PTPRN2: variants seen among roughly 807,000 people sequenced by gnomAD.
PTPRN2 encodes protein tyrosine phosphatase receptor type N2, also known as receptor-type tyrosine-protein phosphatase N2.
Under a neutral mutation model 118.8 loss-of-function variants are expected in PTPRN2, and 74 were observed. That is an observed-to-expected ratio of 0.62 (90% CI 0.52 to 0.76). PTPRN2 has a LOEUF of 0.76. Ranked by LOEUF, PTPRN2 falls within the 30% of genes least tolerant of loss-of-function variation. PTPRN2 has a pLI of 0.00. For synonymous variants in PTPRN2, 641 were observed against 608.0 expected, an observed-to-expected ratio of 1.05 and a Z score of -0.80; for missense variants, 1,481 against 1,394.4, an observed-to-expected ratio of 1.06 and a Z score of -0.99.
intron 2 of PTPRN2, among the ~76,000 whole-genome samples, chr7:158,342,763 C>T (rs1007941839): frequency 6.6e-5 from 10 of 152,220 alleles, no homozygotes; most frequent in Admixed American, 2.6e-4. Context: ...GAATGGGCAG[C>T]GGCAGGAAAG....
intron 6 of PTPRN2, among the ~76,000 whole-genome samples, chr7:158,160,943 A>G (rs1406580051): frequency 1.3e-5 from 2 of 152,240 alleles, no homozygotes; most frequent in Non-Finnish European, 2.9e-5. Flanking sequence ...TTAAAAATGT[A>G]AATAAATGTC....
At chr7:157,705,956 G>A (rs533527232) in intron 12 of PTPRN2, among the ~76,000 whole-genome samples, 17 of 150,934 alleles carry the variant, frequency 1.1e-4, no homozygotes, top group African/African-American at 2.4e-4. Context: ...TGAATCTGAC[G>A]CCAGTGCCTT....
intron 1 of PTPRN2, among the ~76,000 whole-genome samples, chr7:158,504,410 C>A (rs1246824371): frequency 6.6e-6 from 1 of 152,142 alleles, no homozygotes; most frequent in East Asian, 1.9e-4. Flanking sequence ...CATGTGCTCC[C>A]GTCATTCAGC....
intron 11 of PTPRN2, among the ~76,000 whole-genome samples, chr7:158,040,522 A>G (rs547422642): frequency 1.3e-5 from 2 of 152,364 alleles, no homozygotes; most frequent in Admixed American, 6.5e-5. Context: ...TTACCCATAG[A>G]AAAGCACGGA....
intron 12 of PTPRN2, among the ~76,000 whole-genome samples, chr7:157,781,653 C>T (rs576299796): frequency 6.6e-6 from 1 of 152,226 alleles, no homozygotes; most frequent in Non-Finnish European, 1.5e-5. Flanking sequence ...CGGAAGCTTC[C>T]TGACTGAGGA....
chr7:158,146,097 T>A (rs1301566274), intron 6 of PTPRN2, among the ~76,000 whole-genome samples: 1 of 152,116 alleles, frequency 6.6e-6, no homozygotes, highest in Non-Finnish European at 1.5e-5. Context: ...AACAAATACT[T>A]GGTTCTCCAT....
chr7:158,268,270 A>C (rs564411592), intron 3 of PTPRN2, among the ~76,000 whole-genome samples: 1 of 151,506 alleles, frequency 6.6e-6, no homozygotes, highest in Non-Finnish European at 1.5e-5. Context: ...CGGGGTGTGA[A>C]ATATCCCAGC....
intron 11 of PTPRN2, among the ~76,000 whole-genome samples, chr7:157,981,862 C>T (rs1350150697): frequency 6.6e-6 from 1 of 152,394 alleles, no homozygotes; most frequent in African/African-American, 2.4e-5. Flanking sequence ...CAGCAGTTCT[C>T]CAAATGCAGC....
At chr7:158,146,873 T>C (rs1199635491) in intron 6 of PTPRN2, among the ~76,000 whole-genome samples, 1 of 151,888 alleles carries the variant, frequency 6.6e-6, no homozygotes, top group Non-Finnish European at 1.5e-5. Context: ...AAGCAAACAG[T>C]TTACAGGGAA....
At chr7:158,000,489 C>T (rs992125763) in intron 11 of PTPRN2, among the ~76,000 whole-genome samples, 1 of 151,796 alleles carries the variant, frequency 6.6e-6, no homozygotes, top group African/African-American at 2.4e-5. Flanking sequence ...TTTCCTTCTT[C>T]CTCCTCCTCT....
chr7:157,804,247 G>C (rs889549304), intron 12 of PTPRN2, among the ~76,000 whole-genome samples: 2 of 152,220 alleles, frequency 1.3e-5, no homozygotes, highest in Admixed American at 1.3e-4. Flanking sequence ...ATGCTTATTA[G>C]CTCTTAATAT....
intron 12 of PTPRN2, among the ~76,000 whole-genome samples, chr7:157,725,307 G>A: frequency 2.5e-5 from 3 of 120,272 alleles, no homozygotes; most frequent in Non-Finnish European, 5.0e-5. Flanking sequence ...ACACCCAGAG[G>A]AGTGTGGCCA....
intron 3 of PTPRN2, among the ~76,000 whole-genome samples, chr7:158,280,845 G>T (rs993846379): frequency 3.3e-5 from 5 of 152,232 alleles, no homozygotes; most frequent in African/African-American, 1.2e-4. Flanking sequence ...ATGGAAAGCG[G>T]GAGGGGAGGC....
intron 3 of PTPRN2, among the ~76,000 whole-genome samples, chr7:158,210,081 C>A (rs1827473580): frequency 6.7e-6 from 1 of 149,200 alleles, no homozygotes; most frequent in Non-Finnish European, 1.5e-5. Context: ...TAGCTATAAG[C>A]AACTACATCG....
At chr7:158,330,664 CAATAAGAG>C in intron 2 of PTPRN2, among the ~76,000 whole-genome samples, 14 of 108,476 alleles carry the variant, frequency 1.3e-4, no homozygotes, top group African/African-American at 3.5e-4. Context: ...CACACTCTCA[CAATAAGAG>C]CTGAGGCACA....
At chr7:157,895,885 C>T (rs1170338734) in intron 12 of PTPRN2, among the ~76,000 whole-genome samples, 1 of 152,130 alleles carries the variant, frequency 6.6e-6, no homozygotes, top group Non-Finnish European at 1.5e-5. Context: ...TGGGATGACC[C>T]CCATTTGACA....
chr7:157,573,943 T>C (rs577692132), intron 19 of PTPRN2, among the ~76,000 whole-genome samples: 12 of 151,308 alleles, frequency 7.9e-5, no homozygotes, highest in Non-Finnish European at 1.5e-4. Flanking sequence ...GGGTGTGGCA[T>C]GGCTGAGGAC....
At chr7:157,559,427 C>T (rs1462748214) in intron 21 of PTPRN2, among the ~76,000 whole-genome samples, 2 of 152,026 alleles carry the variant, frequency 1.3e-5, no homozygotes, top group African/African-American at 4.8e-5. Flanking sequence ...AACACACTGG[C>T]GGGGGCTGGA....
intron 12 of PTPRN2, among the ~76,000 whole-genome samples, chr7:157,803,281 T>G (rs188260532): frequency 2.2e-4 from 34 of 152,290 alleles, no homozygotes; most frequent in South Asian, 6.2e-4. Context: ...ACATTTTAAA[T>G]ATTAACTCCT....
Sources: gnomAD v4.1 joint callset for allele counts (sites outside exome capture counted in the v4.1 genomes callset) on GRCh38, gnomAD v4.1.1 for gene constraint, MANE v1.5 for transcripts, NCBI Gene and HGNC (gene_info 2026-07-23, HGNC 2026-07-21) for gene names.